ZCCHC7: variants seen among roughly 807,000 people sequenced by gnomAD.
The protein encoded by ZCCHC7 is zinc finger CCHC-type containing 7, also known as zinc finger CCHC domain-containing protein 7.
ZCCHC7 carries 35 observed loss-of-function variants against 52.0 expected under a neutral mutation model. The ratio of observed to expected loss-of-function variants is 0.67; its 90% CI spans 0.51 to 0.89. The LOEUF (loss-of-function observed/expected upper bound fraction) is 0.89. Among genes scored for constraint, ZCCHC7 ranks in the 40% least tolerant of loss-of-function variants. The pLI is 0.00. For missense variants in ZCCHC7, 574 were observed against 649.1 expected (o/e 0.88, Z 1.26); for synonymous variants, 217 against 221.5 (o/e 0.98, Z 0.18).
intron 2 of ZCCHC7, among the ~76,000 whole-genome samples, chr9:37,238,771 C>T (rs1339170905): frequency 5.9e-5 from 9 of 151,404 alleles, no homozygotes; most frequent in African/African-American, 2.2e-4. Context: ...CTTGGCATGT[C>T]GAATAAATGT....
chr9:37,310,670 CCTA>C (rs1389212285), intron 5 of ZCCHC7, among the ~76,000 whole-genome samples: 1 of 152,118 alleles, frequency 6.6e-6, no homozygotes, highest in African/African-American at 2.4e-5. Flanking sequence ...CAGTTTATCT[CCTA>C]CTCGGAGGAT....
intron 5 of ZCCHC7, chr9:37,327,079 A>C (rs1296815236): frequency 6.6e-6 from 1 of 152,086 alleles, no homozygotes; most frequent in African/African-American, 2.4e-5. Flanking sequence ...AATATATTCT[A>C]ATCACTGTTT....
At chr9:37,283,352 T>A (rs897323150) in intron 2 of ZCCHC7, among the ~76,000 whole-genome samples, 1 of 152,166 alleles carries the variant, frequency 6.6e-6, no homozygotes, top group African/African-American at 2.4e-5. Flanking sequence ...AAATTAAACT[T>A]TCTGTATTTT....
chr9:37,184,687 TTTGTTG>T (rs56220914), intron 2 of ZCCHC7, among the ~76,000 whole-genome samples: 41 of 150,468 alleles, frequency 2.7e-4, no homozygotes, highest in Admixed American at 6.6e-4. Flanking sequence ...TGTCTGGTGA[TTTGTTG>T]TTGTTGTTGT....
At chr9:37,266,302 A>G (rs1827104813) in intron 2 of ZCCHC7, among the ~76,000 whole-genome samples, 2 of 152,188 alleles carry the variant, frequency 1.3e-5, no homozygotes, top group South Asian at 4.1e-4. Context: ...AAAATGGGCA[A>G]AGGAAGAATG....
Position 37,171,505 on chromosome 9 carries a change from A to G in ZCCHC7, c.610+44563A>G, listed in dbSNP as rs1438935525. ...GATCATAAGCTCACTGCAGCCTCGA[A>G]TTCCTGGGCTTGAGGAATCCTCCTC... is the stretch of plus-strand genomic sequence containing the variant. On this transcript the variant is annotated intron_variant, in intron 2 of 8. Transcript: ENST00000336755. Among the ~76,000 whole-genome samples the G allele has an allele frequency of 2.0e-5, 3 of 152,134 alleles. No individual in the cohort carries two copies. In the East Asian group the frequency reaches 5.8e-4, roughly 29 times the overall value.
In ZCCHC7 at chr9:37,305,541, T is replaced by C. The variant is rs767450180; in HGVS notation, c.781-3T>C. On this transcript the variant is annotated splice_polypyrimidine_tract_variant and splice_region_variant and intron_variant, in intron 4 of 8. Coordinates refer to ENST00000336755, the MANE Select transcript of ZCCHC7 (RefSeq NM_032226.3). ...GAGATTTTATGTTTTTTTCGCCACA[T>C]AGAAAGTTCGTCGCTGCTTCCTGTG... 3 of 1,613,352 alleles carry C rather than the reference T, an allele frequency of 1.9e-6. No individual in the cohort carries two copies. The highest frequency in any genetic ancestry group is 2.5e-6 in the Non-Finnish European group (3 of 1,179,832).
intron 2 of ZCCHC7, among the ~76,000 whole-genome samples, chr9:37,185,597 G>T (rs1822609931): frequency 6.6e-6 from 1 of 152,184 alleles, no homozygotes; most frequent in South Asian, 2.1e-4. Flanking sequence ...AGGCCTGTCT[G>T]TGCCTCTTTT....
intron 2 of ZCCHC7, among the ~76,000 whole-genome samples, chr9:37,196,128 G>T (rs1246820087): frequency 6.6e-6 from 1 of 151,976 alleles, no homozygotes; most frequent in African/African-American, 2.4e-5. Flanking sequence ...AAATATTTGG[G>T]CATGGAAAGA....
chr9:37,232,950 A>G (rs1039405603), intron 2 of ZCCHC7, among the ~76,000 whole-genome samples: 10 of 152,174 alleles, frequency 6.6e-5, no homozygotes, highest in African/African-American at 2.4e-4. Context: ...CGTGTTTTAT[A>G]TTGACCAATA....
At chr9:37,165,409 G>C (rs1361443899) in intron 2 of ZCCHC7, among the ~76,000 whole-genome samples, 1 of 152,032 alleles carries the variant, frequency 6.6e-6, no homozygotes, top group Admixed American at 6.6e-5. Flanking sequence ...TTGAGGGAAA[G>C]TATACAGTCT....
At chr9:37,280,125 T>C (rs1009351696) in intron 2 of ZCCHC7, among the ~76,000 whole-genome samples, 1 of 150,886 alleles carries the variant, frequency 6.6e-6, no homozygotes, top group Admixed American at 6.6e-5. Context: ...TGGGCAACAG[T>C]GCGAGACTCC....
intron 5 of ZCCHC7, among the ~76,000 whole-genome samples, chr9:37,316,994 G>A (rs1326620171): frequency 6.6e-6 from 1 of 151,752 alleles, no homozygotes; most frequent in Non-Finnish European, 1.5e-5. Flanking sequence ...GTAGAAAATA[G>A]GAAACTTGGG....
chr9:37,294,284 T>C (rs865860046), intron 2 of ZCCHC7, among the ~76,000 whole-genome samples: 6 of 152,198 alleles, frequency 3.9e-5, no homozygotes, highest in African/African-American at 1.2e-4. Flanking sequence ...GAATAGTAAC[T>C]TCATCTGTGG....
chr9:37,195,605 G>C (rs1823250516), intron 2 of ZCCHC7, among the ~76,000 whole-genome samples: 1 of 152,154 alleles, frequency 6.6e-6, no homozygotes, highest in South Asian at 2.1e-4. Context: ...TCTGGTAAAG[G>C]GGGAACTTAA....
At chr9:37,320,933 A>G (rs557328198) in intron 5 of ZCCHC7, among the ~76,000 whole-genome samples, 2 of 149,148 alleles carry the variant, frequency 1.3e-5, no homozygotes, top group African/African-American at 4.9e-5. Flanking sequence ...AATTTGCTCT[A>G]TTAAGTATTT....
chr9:37,235,990 T>TG (rs1276225212), intron 2 of ZCCHC7, among the ~76,000 whole-genome samples: 1 of 152,186 alleles, frequency 6.6e-6, no homozygotes, highest in African/African-American at 2.4e-5. Flanking sequence ...TTCTATATCT[T>TG]GGCTAATGTG....
intron 5 of ZCCHC7, among the ~76,000 whole-genome samples, chr9:37,306,256 C>T (rs1287482783): frequency 6.6e-6 from 1 of 150,528 alleles, no homozygotes; most frequent in Admixed American, 6.6e-5. Context: ...TTAGTAGAGA[C>T]GGGGGTTTCA....
chr9:37,300,180 G>A (rs895455906), intron 2 of ZCCHC7, among the ~76,000 whole-genome samples: 2 of 152,044 alleles, frequency 1.3e-5, no homozygotes, highest in African/African-American at 4.8e-5. Context: ...CTTTTTTACT[G>A]TTTTCTGTTT....
Sources: gnomAD v4.1 joint callset for allele counts (sites outside exome capture counted in the v4.1 genomes callset) on GRCh38, gnomAD v4.1.1 for gene constraint, MANE v1.5 for transcripts, NCBI Gene and HGNC (gene_info 2026-07-23, HGNC 2026-07-21) for gene names.